The following NPAS4 variants were observed in gnomAD, a reference collection of about 807,000 sequenced individuals.
NPAS4 encodes the protein neuronal PAS domain-containing protein 4.
NPAS4 carries 10 observed loss-of-function variants against 64.0 expected under a neutral mutation model. The observed-to-expected ratio is 0.16, with a 90% CI of 0.10 to 0.26. NPAS4 has a LOEUF of 0.26. Among genes scored for constraint, NPAS4 ranks in the 10% least tolerant of loss-of-function variants. NPAS4 has a pLI of 1.00. For missense variants in NPAS4, 886 were observed against 992.6 expected (o/e 0.89, Z 1.44); for synonymous variants, 441 against 411.7 (o/e 1.07, Z -0.86).
the NPAS4 span, among the ~76,000 whole-genome samples, chr11:66,411,710 A>G: frequency 6.6e-6 from 1 of 152,172 alleles, no homozygotes; most frequent in African/African-American, 2.4e-5. Flanking sequence ...CCTGCTCACC[A>G]TGGTTCACCC....
At chr11:66,410,831 A>G in the NPAS4 span, 1 of 152,286 alleles carries the variant, frequency 6.6e-6, no homozygotes, top group Non-Finnish European at 1.5e-5. Context: ...AGACACTGCC[A>G]AGGGGACTTT....
chr11:66,417,098 AT>A (rs1196589877), upstream of NPAS4: 3 of 152,162 alleles, frequency 2.0e-5, no homozygotes, highest in African/African-American at 7.2e-5. Flanking sequence ...TTCGGAAAAA[AT>A]AATAAAGAAA....
intron 3 of NPAS4, 52 bp from the exon 4 acceptor site, chr11:66,422,622 T>A: frequency 6.2e-7 from 1 of 1,604,534 alleles, no homozygotes; most frequent in Non-Finnish European, 8.5e-7. Flanking sequence ...CCATCCACTG[T>A]CTCTCTCTCA....
rs373471257 is a variant in NPAS4, at chr11:66,425,081, C to T, written c.2191C>T (p.Pro731Ser). The part of the protein sequence containing the change: ...DPSEEWGSGD[P>S]EAEGPGGAPS... ...CAGTGAGGAATGGGGCTCAGGGGAT[C>T]CTGAGGCAGAGGGCCCAGGAGGGGC... The change falls in exon 7 of 8, where the codon CCT (proline) becomes TCT (serine). Residue 731 changes from proline (P) to serine (S), a missense_variant. Physicochemically the swap from Pro to Ser is moderately conservative, Grantham distance 74 (BLOSUM62 -1). Around this residue, in one of 3 missense-constraint regions of NPAS4, gnomAD observed 820 missense variants for 855.5 expected, o/e 0.96. Transcript: ENST00000311034. 47 of 1,603,356 alleles carry T rather than the reference C, an allele frequency of 2.9e-5. No individual in the cohort carries two copies. The highest frequency in any genetic ancestry group is 3.8e-5 in the Non-Finnish European group (45 of 1,175,818).
chr11:66,421,887 A>G (rs950732350), intron 1 of NPAS4, among the ~76,000 whole-genome samples: 11 of 152,196 alleles, frequency 7.2e-5, no homozygotes, highest in African/African-American at 2.7e-4. Flanking sequence ...GCGGTTCTGA[A>G]ATTAAGAGCC....
At position 66,424,517 on chromosome 11, in the gene NPAS4, G is replaced by A. The variant is rs915108531; in HGVS notation, c.1627G>A (p.Asp543Asn). ...CAGCACAGCATTCCAAGCACACCTG[G>A]ACAGCCCCAGCCAAACCTTCCCAGA... ...PPSTAFQAHL[D>N]SPSQTFPEQL... Residue 543 changes from aspartate to asparagine, a missense_variant, in exon 7 of 8, where the codon GAC (aspartate) becomes AAC (asparagine). By Grantham distance (23) the Asp-to-Asn change is conservative. Transcript: ENST00000311034. The A allele has an allele frequency of 1.2e-6, 2 of 1,614,072 alleles. No homozygotes were observed. The highest frequency in any genetic ancestry group is 1.1e-5 in the South Asian group (1 of 91,086).
Position 66,426,307 on chromosome 11 carries a change from C to T in NPAS4, c.*318C>T. 3.2e-6 allele frequency: 1 copy of T among 313,054 alleles called. No individual in the cohort carries two copies. The highest frequency in any genetic ancestry group is 4.0e-5 in the South Asian group (1 of 25,020). 19.4% of individuals were successfully genotyped at this position (313,054 alleles called of 1,614,324 possible). A position where few individuals can be genotyped will look rare whatever the true frequency, so the allele number is the denominator to read the frequency against. On this transcript the variant is annotated 3_prime_UTR_variant, in exon 8 of 8. Coordinates refer to ENST00000311034, the MANE Select transcript of NPAS4 (RefSeq NM_178864.4). Reference sequence around the variant, plus strand: ...CGCCGCCTTGCCCCATTGGCCTGGGCCAGTTCTCCACTCCTAGGGGCCAAG... The same window carrying T: ...CGCCGCCTTGCCCCATTGGCCTGGGTCAGTTCTCCACTCCTAGGGGCCAAG...
upstream of NPAS4, among the ~76,000 whole-genome samples, chr11:66,417,288 C>CTGTG (rs912452638): frequency 8.6e-5 from 13 of 151,368 alleles, no homozygotes; most frequent in African/African-American, 3.1e-4. Flanking sequence ...GTATGTGCGC[C>CTGTG]TGTGTGTGTG....
chr11:66,423,100 C>T, intron 4 of NPAS4, 23 bp from the exon 5 acceptor site: 5 of 1,558,900 alleles, frequency 3.2e-6, no homozygotes, highest in Non-Finnish European at 4.4e-6. Flanking sequence ...AGAAAGCTGA[C>T]CTCACCCTTT....
Position 66,422,288 on chromosome 11 carries a change from C to T in NPAS4, c.327+17C>T, listed in dbSNP as rs374801923. On this transcript the variant is annotated intron_variant, in intron 2 of 7. Coordinates refer to ENST00000311034, the MANE Select transcript of NPAS4 (RefSeq NM_178864.4). ...CACTCCATGGTGAGTGCTAAGGGTC[C>T]TTTCAGCTGAGGCTGGGCATGGAGT... The T allele has an allele frequency of 1.9e-6, 3 of 1,613,406 alleles. No homozygotes were observed. Among genetic ancestry groups the T allele is most frequent in the Non-Finnish European group, 1.7e-6 (2 of 1,179,566 alleles).
chr11:66,421,772 G>A (rs970179619), intron 1 of NPAS4, among the ~76,000 whole-genome samples: 13 of 152,248 alleles, frequency 8.5e-5, no homozygotes, highest in Non-Finnish European at 1.8e-4. Context: ...TGGTGCTGAC[G>A]GCTGCGCCGG....
chr11:66,425,618 CAACA>C (rs1442687581), intron 7 of NPAS4, among the ~76,000 whole-genome samples: 1 of 152,082 alleles, frequency 6.6e-6, no homozygotes, highest in Non-Finnish European at 1.5e-5. Context: ...TTAGGGTGCA[CAACA>C]AACTGATGGA....
chr11:66,416,466 C>T (rs1206313701), upstream of NPAS4, among the ~76,000 whole-genome samples: 2 of 152,148 alleles, frequency 1.3e-5, no homozygotes, highest in African/African-American at 2.4e-5. Flanking sequence ...TGGCTGGTGG[C>T]CAGGCTTTGG....
chr11:66,425,729 C>T (rs548146488), intron 7 of NPAS4, among the ~76,000 whole-genome samples: 16 of 152,278 alleles, frequency 1.1e-4, no homozygotes, highest in African/African-American at 3.9e-4. Context: ...AGGCTCAGCC[C>T]CTGACTCCAT....
Position 66,425,941 on chromosome 11 carries a change from CTCTA to C in NPAS4, c.2381-12_2381-9del, listed in dbSNP as rs765049997. ...TAATTGGTCTAACTGATTGTGTTCT[CTCTA>C]TCTATCTCTCTGCAGATGGAAGTGG... On this transcript the variant is annotated splice_polypyrimidine_tract_variant and intron_variant, in intron 7 of 7. Transcript: ENST00000311034. The C allele has an allele frequency of 8.1e-6, 13 of 1,598,170 alleles. No homozygotes were observed. Among genetic ancestry groups the C allele is most frequent in the African/African-American group, 4.0e-5 (3 of 74,632 alleles).
chr11:66,423,127 C>T lies in NPAS4; in HGVS notation c.703C>T (p.Leu235=), dbSNP rs763277667. 6.2e-7 allele frequency: 1 copy of T among 1,603,070 alleles called. No homozygotes were observed. Among genetic ancestry groups the T allele is most frequent in the South Asian group, 1.1e-5 (1 of 89,830 alleles). Residue 235 remains leucine, a synonymous_variant, in exon 5 of 8, where the codon CTA becomes TTA. Transcript: ENST00000311034. ...TCACCCTTTCCACCTTCCCAGTGTC[C>T]TAATCTACCTGGGCTTTGAGCGCAG... is the stretch of plus-strand genomic sequence containing the variant. ...LALLDISESV[L]IYLGFERSEL... is the part of the protein sequence containing the mutation.
chr11:66,416,908 T>C (rs1297452221), upstream of NPAS4: 2 of 152,036 alleles, frequency 1.3e-5, no homozygotes, highest in African/African-American at 4.8e-5. Context: ...AGAAGCAGAT[T>C]CCTCACCCAC....
rs543074273 is a variant in NPAS4, at chr11:66,421,719, C to T, written c.175+365C>T. ...CCTAGGGGAACATAGCTACTGTCCG[C>T]GGTGCTGAAAGGGATCTCCTGTCGC... is the stretch of plus-strand genomic sequence containing the variant. On this transcript the variant is annotated intron_variant, in intron 1 of 7. Coordinates refer to ENST00000311034, the MANE Select transcript of NPAS4 (RefSeq NM_178864.4). Among the ~76,000 whole-genome samples, 13 of 152,342 alleles carry T rather than the reference C, an allele frequency of 8.5e-5. No homozygotes were observed. In the South Asian group the frequency reaches 2.3e-3, roughly 27 times the overall value.
rs1856795679 is a variant in NPAS4 at position 66,423,914 on chromosome 11, A to G, written c.1024A>G (p.Met342Val). The change falls in exon 7 of 8, where the codon ATG becomes GTG. Residue 342 changes from methionine to valine, a missense_variant. Met to Val is a conservative substitution (Grantham distance 21, BLOSUM62 1). This residue lies in a region of NPAS4 where 820 missense variants were observed against 855.5 expected (regional missense o/e 0.96). Coordinates refer to ENST00000311034, the MANE Select transcript of NPAS4 (RefSeq NM_178864.4). ...QAAYVLGTPT[M>V]LPSFPENILS... ...AGCTTATGTCCTGGGCACTCCGACC[A>G]TGCTGCCCTCATTCCCTGAAAACAT... 1 of 1,613,942 alleles carries G rather than the reference A, an allele frequency of 6.2e-7. No homozygotes were observed. The highest frequency in any genetic ancestry group is 2.2e-5 in the East Asian group (1 of 44,890).
Sources: gnomAD v4.1 joint callset for allele counts (sites outside exome capture counted in the v4.1 genomes callset) on GRCh38, gnomAD v4.1.1 for gene constraint, gnomAD v4.1.1 regional missense constraint, MANE v1.5 for transcripts, NCBI Gene and HGNC (gene_info 2026-07-23, HGNC 2026-07-21) for gene names.